The following LRIG1 variants were observed in gnomAD, a reference collection of about 807,000 sequenced individuals.
LRIG1 encodes leucine-rich repeats and immunoglobulin-like domains protein 1.
Under a neutral mutation model 99.2 loss-of-function variants are expected in LRIG1, and 48 were observed. The ratio of observed to expected loss-of-function variants is 0.48; its 90% CI spans 0.38 to 0.62. The LOEUF is 0.62. LRIG1 is among the 20% of genes least tolerant of loss of function. LRIG1 has a pLI of 0.00. For missense variants in LRIG1, 1,646 were observed against 1,434.4 expected, an observed-to-expected ratio of 1.15 and a Z score of -2.38; for synonymous variants, 772 against 596.1, an observed-to-expected ratio of 1.29 and a Z score of -4.30.
intron 3 of LRIG1, among the ~76,000 whole-genome samples, chr3:66,445,191 G>T (rs1002257670): frequency 3.3e-5 from 5 of 151,650 alleles, no homozygotes; most frequent in African/African-American, 1.2e-4. Flanking sequence ...TCATTTTATT[G>T]CCAGAGCAAT....
At chr3:66,405,388 T>G in intron 8 of LRIG1, 110 bp from the exon 9 acceptor site, 1 of 825,422 alleles carries the variant, frequency 1.2e-6, no homozygotes, top group Non-Finnish European at 2.1e-6. Flanking sequence ...GCATGCACCC[T>G]GGAGGCACAG....
At chr3:66,472,799 C>A (rs532479317) in intron 1 of LRIG1, among the ~76,000 whole-genome samples, 7 of 152,302 alleles carry the variant, frequency 4.6e-5, no homozygotes, top group Admixed American at 3.3e-4. Context: ...AAACAAAAAA[C>A]CCCTTCCCTC....
intron 1 of LRIG1, among the ~76,000 whole-genome samples, chr3:66,492,103 C>T (rs1312065358): frequency 6.6e-6 from 1 of 152,162 alleles, no homozygotes; most frequent in African/African-American, 2.4e-5. Flanking sequence ...TTCTTGTTAT[C>T]CAGCCCAAAG....
intron 1 of LRIG1, among the ~76,000 whole-genome samples, chr3:66,493,929 AAAAAG>A (rs1344779081): frequency 6.7e-6 from 1 of 148,628 alleles, no homozygotes; most frequent in Non-Finnish European, 1.5e-5. Context: ...GAGAGAAAGA[AAAAAG>A]AAAAAGAAAA....
chr3:66,414,393 CAAA>C (rs1270122097), intron 5 of LRIG1, among the ~76,000 whole-genome samples: 2 of 145,162 alleles, frequency 1.4e-5, no homozygotes, highest in Non-Finnish European at 1.5e-5. Context: ...GAGACTGTCG[CAAA>C]AAAAAATAAT....
chr3:66,420,630 C>A (rs146957010), intron 3 of LRIG1, among the ~76,000 whole-genome samples: 3 of 152,190 alleles, frequency 2.0e-5, no homozygotes, highest in Non-Finnish European at 1.5e-5. Context: ...AATTCTAACA[C>A]GTGCTACTGA....
At chr3:66,422,883 G>C (rs1011726632) in intron 3 of LRIG1, among the ~76,000 whole-genome samples, 2 of 152,208 alleles carry the variant, frequency 1.3e-5, no homozygotes, top group Non-Finnish European at 2.9e-5. Flanking sequence ...CAGAAGGCGA[G>C]GAGGAACAAA....
At chr3:66,478,657 T>C (rs962370025) in intron 1 of LRIG1, among the ~76,000 whole-genome samples, 3 of 152,160 alleles carry the variant, frequency 2.0e-5, no homozygotes, top group East Asian at 1.9e-4. Context: ...GTCATTATTA[T>C]CTCACTTGTC....
At chr3:66,405,122 G>C in intron 9 of LRIG1, 76 bp downstream of exon 9, 1 of 1,301,382 alleles carries the variant, frequency 7.7e-7, no homozygotes, top group East Asian at 2.4e-5. Context: ...GAGGCGCGGG[G>C]GGCGCCACAG....
intron 1 of LRIG1, among the ~76,000 whole-genome samples, chr3:66,489,069 G>A (rs545711893): frequency 6.6e-6 from 1 of 152,284 alleles, no homozygotes; most frequent in Admixed American, 6.5e-5. Flanking sequence ...AGGGGAAAAG[G>A]AGGTAAAAAT....
Position 66,394,212 on chromosome 3 carries a change from A to C in LRIG1, c.1305-9T>G. 1 of 1,575,288 alleles carries C rather than the reference A, an allele frequency of 6.3e-7. No individual in the cohort carries two copies. Among genetic ancestry groups the C allele is most frequent in the Non-Finnish European group, 8.6e-7 (1 of 1,162,540 alleles). On this transcript the variant is annotated splice_polypyrimidine_tract_variant and intron_variant, in intron 11 of 18. Transcript: ENST00000273261. ...TGTCGCTGCTGATATGGCTGAAAGA[A>C]ACACAACAGTGGATGCTTCAGGTGC...
At chr3:66,474,287 A>G (rs77245018) in intron 1 of LRIG1, among the ~76,000 whole-genome samples, 2 of 152,088 alleles carry the variant, frequency 1.3e-5, no homozygotes, top group African/African-American at 4.8e-5. Context: ...TTTTTTTTAA[A>G]TCATTCGCCA....
intron 2 of LRIG1, among the ~76,000 whole-genome samples, chr3:66,462,231 C>G (rs981664640): frequency 6.6e-6 from 1 of 152,164 alleles, no homozygotes; most frequent in Non-Finnish European, 1.5e-5. Flanking sequence ...AGCTCTATGC[C>G]TACTGAATTG....
chr3:66,483,127 G>T (rs1700888749), intron 1 of LRIG1, among the ~76,000 whole-genome samples: 1 of 151,938 alleles, frequency 6.6e-6, no homozygotes, highest in African/African-American at 2.4e-5. Context: ...GGGACAAAAG[G>T]CTTCCCTACA....
chr3:66,436,257 A>G (rs1041276273), intron 3 of LRIG1, among the ~76,000 whole-genome samples: 3 of 152,150 alleles, frequency 2.0e-5, no homozygotes, highest in African/African-American at 7.2e-5. Context: ...GCAGGTTGCC[A>G]GACACCACAC....
chr3:66,468,900 A>C (rs535626335), intron 1 of LRIG1: 1 of 152,334 alleles, frequency 6.6e-6, no homozygotes, highest in South Asian at 2.1e-4. Context: ...CTCCAATGAA[A>C]TCACCACATT....
At chr3:66,498,704 T>C (rs1357651551) in intron 1 of LRIG1, among the ~76,000 whole-genome samples, 1 of 152,202 alleles carries the variant, frequency 6.6e-6, no homozygotes, top group Non-Finnish European at 1.5e-5. Context: ...GACCACTGAT[T>C]TTCACTAACT....
chr3:66,474,570 T>C (rs1700675752), intron 1 of LRIG1, among the ~76,000 whole-genome samples: 1 of 152,152 alleles, frequency 6.6e-6, no homozygotes. Context: ...GGTCTTGAAC[T>C]CCTGACCTCA....
intron 3 of LRIG1, among the ~76,000 whole-genome samples, chr3:66,441,208 T>C (rs1575693754): frequency 1.3e-5 from 2 of 152,236 alleles, no homozygotes; most frequent in African/African-American, 2.4e-5. Context: ...CACCTCCTGG[T>C]TGATGAAGTT....
Sources: gnomAD v4.1 joint callset for allele counts (sites outside exome capture counted in the v4.1 genomes callset) on GRCh38, gnomAD v4.1.1 for gene constraint, MANE v1.5 for transcripts, NCBI Gene and HGNC (gene_info 2026-07-23, HGNC 2026-07-21) for gene names.